The following CFAP46 variants were observed in gnomAD, a reference collection of about 807,000 sequenced individuals.
CFAP46 encodes the protein cilia- and flagella-associated protein 46.
CFAP46 carries 245 observed loss-of-function variants against 325.7 expected under a neutral mutation model. The ratio of observed to expected loss-of-function variants is 0.75; its 90% confidence interval spans 0.68 to 0.84. The LOEUF (loss-of-function observed/expected upper bound fraction) is 0.84, where lower values mean the gene tolerates loss of function less well. Ranked by LOEUF, CFAP46 falls within the 40% of genes least tolerant of loss-of-function variation. The probability of loss-of-function intolerance (pLI) is 0.00; values close to 1 mark genes in which losing one functional copy is unlikely to be tolerated. For missense variants in CFAP46, 3,346 were observed against 3,543.0 expected (o/e 0.94, Z 1.41); for synonymous variants, 1,523 against 1,495.9 (o/e 1.02, Z -0.42).
At chr10:132,824,928 TTGTGTGTGCTG>T (rs958731783) in intron 50 of CFAP46, among the ~76,000 whole-genome samples, 9 of 139,462 alleles carry the variant, frequency 6.5e-5, no homozygotes, top group Non-Finnish European at 1.1e-4. Context: ...TGTGTGCTGC[TTGTGTGTGCTG>T]TGTGTGTGCT....
chr10:132,834,021 G>A lies in CFAP46; in HGVS notation c.6949+20C>T. 2 of 1,610,970 alleles carry A rather than the reference G, an allele frequency of 1.2e-6. No individual in the cohort carries two copies. Among genetic ancestry groups the A allele is most frequent in the South Asian group, 1.1e-5 (1 of 90,940 alleles). ...CGGGATGAGCTCCCCAGGCTGAGTG[G>A]CCACGCCCGCCCCACTCACTGTGTT... On this transcript the variant is annotated intron_variant, in intron 49 of 57. Transcript: ENST00000368586.
chr10:132,814,193 C>T lies in CFAP46; in HGVS notation c.7347G>A (p.Thr2449=), dbSNP rs766152474. Residue 2449 remains threonine, a synonymous_variant, in exon 54 of 58, where the codon ACG becomes ACA. Transcript: ENST00000368586. ...TTCCCAGATGTCCCGCCCATCGCGA[C>T]GTGAATGTGTCTTGGAATCTTTCCA... ...DILERFQDTF[T]SRWAGHLGSK... 2.4e-5 allele frequency: 38 copies of T among 1,613,822 alleles called. No individual in the cohort carries two copies. The highest frequency in any genetic ancestry group is 6.7e-5 in the Admixed American group (4 of 60,008).
chr10:132,891,263 G>A (rs1300800928), intron 25 of CFAP46, among the ~76,000 whole-genome samples: 3 of 152,198 alleles, frequency 2.0e-5, no homozygotes, highest in South Asian at 2.1e-4. Context: ...GACTGAATGG[G>A]CCCTCCTCTC....
At chr10:132,912,222 T>TCCTCTCTC (rs1554883916) in intron 19 of CFAP46, among the ~76,000 whole-genome samples, 2 of 103,486 alleles carry the variant, frequency 1.9e-5, no homozygotes, top group Non-Finnish European at 4.0e-5. Context: ...CTCCTCTCTC[T>TCCTCTCTC]TCTCCTCTCT....
chr10:132,908,273 G>A (rs1293176767), intron 22 of CFAP46, 195 bp downstream of exon 22: 10 of 632,892 alleles, frequency 1.6e-5, no homozygotes, highest in Admixed American at 3.0e-5. Flanking sequence ...CCAGGCCCGC[G>A]CTCCCTGCCC....
In CFAP46 at chr10:132,912,444, CCT is replaced by C. The variant is rs201102302; in HGVS notation, c.2499+209_2499+210del. Among the ~76,000 whole-genome samples, 145 of 112,418 alleles carry C rather than the reference CCT, an allele frequency of 1.3e-3. 3 individuals are homozygous for C. Among genetic ancestry groups the C allele is most frequent in the Non-Finnish European group, 2.2e-3 (120 of 55,518 alleles). 73.8% of individuals were successfully genotyped at this position (112,418 alleles called of 152,430 possible). A position where few individuals can be genotyped will look rare whatever the true frequency, so the allele number is the denominator to read the frequency against. Reference sequence around the variant, plus strand: ...TCTCTCTCACCTCCCTCTCTCCTCTCCTCTCTCTCTCTCTTCACCTCTCTCTC... The same window carrying C: ...TCTCTCTCACCTCCCTCTCTCCTCTCCTCTCTCTCTCTTCACCTCTCTCTC... On this transcript the variant is annotated intron_variant, in intron 19 of 57. Coordinates refer to ENST00000368586, the MANE Select transcript of CFAP46 (RefSeq NM_001200049.3).
intron 50 of CFAP46, among the ~76,000 whole-genome samples, chr10:132,822,812 CTGTGTGCTG>C (rs1847902953): frequency 9.0e-6 from 1 of 111,596 alleles, no homozygotes; most frequent in African/African-American, 3.7e-5. Context: ...CTGATGTGTG[CTGTGTGCTG>C]TGTGTGCTGA....
chr10:132,928,233 G>A (rs1849840418), intron 9 of CFAP46, among the ~76,000 whole-genome samples: 1 of 152,264 alleles, frequency 6.6e-6, no homozygotes, highest in African/African-American at 2.4e-5. Context: ...ACAGGGAGCT[G>A]AAGGAAGGGC....
chr10:132,865,578 G>A (rs1848801151), intron 35 of CFAP46, among the ~76,000 whole-genome samples: 1 of 152,214 alleles, frequency 6.6e-6, no homozygotes, highest in Non-Finnish European at 1.5e-5. Context: ...GGGAGTGAGA[G>A]CAAAACAAAC....
chr10:132,925,036 CAG>C, intron 10 of CFAP46, 150 bp from the exon 11 acceptor site: 1 of 574,868 alleles, frequency 1.7e-6, no homozygotes, highest in African/African-American at 2.0e-5. Flanking sequence ...TGAAAATGGC[CAG>C]AGTGACTCTT....
intron 44 of CFAP46, chr10:132,837,163 T>C (rs192575715): frequency 1.4e-5 from 7 of 500,584 alleles, no homozygotes; most frequent in Non-Finnish European, 2.5e-5. Flanking sequence ...GTTGTTAATG[T>C]TTAGAAACCT....
At chr10:132,880,455 G>C (rs1295586998) in intron 28 of CFAP46, among the ~76,000 whole-genome samples, 1 of 152,226 alleles carries the variant, frequency 6.6e-6, no homozygotes, top group Non-Finnish European at 1.5e-5. Context: ...AGCAACTTTG[G>C]GGATGGCTGA....
At chr10:132,927,752 C>G (rs921713637) in intron 9 of CFAP46, among the ~76,000 whole-genome samples, 9 of 152,264 alleles carry the variant, frequency 5.9e-5, no homozygotes, top group Non-Finnish European at 1.2e-4. Context: ...AAATGTATTA[C>G]AGTGGATAGT....
intron 9 of CFAP46, among the ~76,000 whole-genome samples, chr10:132,927,371 G>A (rs908910044): frequency 6.6e-6 from 1 of 151,670 alleles, no homozygotes; most frequent in African/African-American, 2.4e-5. Flanking sequence ...AGACGCCTCC[G>A]TCCCGGGGAG....
chr10:132,926,768 T>C (rs1351748812), intron 9 of CFAP46, 102 bp from the exon 10 acceptor site: 1 of 851,840 alleles, frequency 1.2e-6, no homozygotes. Context: ...TGGGTAGAGG[T>C]TTAACAAATA....
chr10:132,936,782 T>A (rs1205693971), intron 7 of CFAP46, among the ~76,000 whole-genome samples, 179 bp downstream of exon 7: 1 of 152,022 alleles, frequency 6.6e-6, no homozygotes, highest in Non-Finnish European at 1.5e-5. Flanking sequence ...GGAATTGGGG[T>A]GGCCTTCGGA....
Position 132,812,868 on chromosome 10 carries a change from C to CCA in CFAP46, c.7417_7418insTG (p.Ser2473MetfsTer19), listed in dbSNP as rs1323276650. On this transcript the variant is annotated frameshift_variant, in exon 55 of 58. Transcript: ENST00000368586. LOFTEE classifies it high-confidence loss of function. The stretch of plus-strand genomic sequence containing the variant: ...TCCATAGAAGAAGAAACCGCTGCAG[C>CCA]TGCCCAGGGCCTGCTCCCACTGGGC... 1 of 1,609,874 alleles carries CCA rather than the reference C, an allele frequency of 6.2e-7. No homozygotes were observed. Among genetic ancestry groups the CCA allele is most frequent in the East Asian group, 2.2e-5 (1 of 44,894 alleles).
intron 15 of CFAP46, 98 bp from the exon 16 acceptor site, chr10:132,918,618 C>A: frequency 1.4e-6 from 2 of 1,412,662 alleles, no homozygotes; most frequent in South Asian, 3.0e-5. Context: ...TGAGCCTCTC[C>A]CCAGCTCCGT....
chr10:132,864,576 T>C (rs1450195996), intron 35 of CFAP46, among the ~76,000 whole-genome samples: 5 of 68,112 alleles, frequency 7.3e-5, no homozygotes, highest in Non-Finnish European at 1.1e-4. Flanking sequence ...CAAACATCTG[T>C]CCCCCTGCCT....
Sources: allele counts gnomAD v4.1 joint callset (sites outside exome capture counted in the v4.1 genomes callset), GRCh38; gene constraint gnomAD v4.1.1; transcripts MANE v1.5; gene names NCBI Gene and HGNC (gene_info 2026-07-23, HGNC 2026-07-21).